Variants in GNPTAB observed in about 807,000 individuals in gnomAD.
GNPTAB encodes the protein N-acetylglucosamine-1-phosphate transferase subunits alpha and beta.
Under a neutral mutation model 136.6 loss-of-function variants are expected in GNPTAB, and 92 were observed. The observed-to-expected ratio is 0.67, with a 90% CI of 0.57 to 0.80. GNPTAB has a LOEUF of 0.80. Ranked by LOEUF, GNPTAB falls within the 30% of genes least tolerant of loss-of-function variation. GNPTAB has a pLI of 0.00. For missense variants in GNPTAB, 1,343 were observed against 1,501.8 expected, an observed-to-expected ratio of 0.89 and a Z score of 1.75; for synonymous variants, 512 against 535.1, an observed-to-expected ratio of 0.96 and a Z score of 0.60.
chr12:101,828,604 C>T (rs1871223168), intron 1 of GNPTAB, among the ~76,000 whole-genome samples: 1 of 151,820 alleles, frequency 6.6e-6, no homozygotes, highest in Admixed American at 6.6e-5. Context: ...ACATGAGAAT[C>T]ACGTGAACCC....
rs1555273088 is a variant in GNPTAB at position 101,796,736 on chromosome 12, T to C, written c.144A>G (p.Gln48=). ...TATAGGAATCAAACAAAACATGGTA[T>C]TGATCTCGGCTCCATTCCAGAACCA... is the stretch of plus-strand genomic sequence containing the variant. ...GEVVLEWSRD[Q]YHVLFDSYRD... The change falls in exon 2 of 21, where the codon CAA becomes CAG. Residue 48 remains glutamine, a synonymous_variant. Coordinates refer to ENST00000299314, the MANE Select transcript of GNPTAB (RefSeq NM_024312.5). The C allele has an allele frequency of 6.2e-7, 1 of 1,613,150 alleles. No individual in the cohort carries two copies. Among genetic ancestry groups the C allele is most frequent in the Non-Finnish European group, 8.5e-7 (1 of 1,179,320 alleles).
chr12:101,813,269 A>G (rs541526048), intron 1 of GNPTAB, among the ~76,000 whole-genome samples: 9 of 152,374 alleles, frequency 5.9e-5, no homozygotes, highest in African/African-American at 1.9e-4. Flanking sequence ...CCATTATTAA[A>G]TTACAGCCCA....
chr12:101,757,709 C>T (rs1952924880), intron 16 of GNPTAB, 52 bp from the exon 17 acceptor site: 1 of 864,774 alleles, frequency 1.2e-6, no homozygotes, highest in Non-Finnish European at 2.0e-6. Flanking sequence ...GAAACTAGGG[C>T]AATTTAGTCC....
chr12:101,751,632 C>T (rs1185731202), intron 19 of GNPTAB, among the ~76,000 whole-genome samples: 1 of 152,212 alleles, frequency 6.6e-6, no homozygotes, highest in African/African-American at 2.4e-5. Flanking sequence ...AGCCACTTGC[C>T]AGCTACTTCA....
chr12:101,749,855 G>A lies in GNPTAB; in HGVS notation c.3603-664C>T, dbSNP rs575935146. Among the ~76,000 whole-genome samples the A allele has an allele frequency of 1.2e-3, 179 of 152,360 alleles. 1 individual carries two copies. Among genetic ancestry groups the A allele is most frequent in the Non-Finnish European group, 2.2e-3 (151 of 68,034 alleles). On this transcript the variant is annotated intron_variant, in intron 19 of 20. Coordinates refer to ENST00000299314, the MANE Select transcript of GNPTAB (RefSeq NM_024312.5). ...GGGGGGAACTAAGCCAGGTGAAGGC[G>A]AGAGGGTATGAACTGCAGCTGCTTT...
chr12:101,824,921 C>T (rs1871010546), intron 1 of GNPTAB, among the ~76,000 whole-genome samples: 1 of 152,184 alleles, frequency 6.6e-6, no homozygotes, highest in African/African-American at 2.4e-5. Flanking sequence ...ACTTCTCTGA[C>T]ATTACCAACT....
At chr12:101,763,137 T>C (rs1472308668) in intron 13 of GNPTAB, among the ~76,000 whole-genome samples, 1 of 149,066 alleles carries the variant, frequency 6.7e-6, no homozygotes. Context: ...CAGGAGAATC[T>C]CTTGAACCTG....
At chr12:101,805,207 A>G (rs1288230815) in intron 1 of GNPTAB, among the ~76,000 whole-genome samples, 18 of 152,218 alleles carry the variant, frequency 1.2e-4, no homozygotes, top group Admixed American at 1.2e-3. Flanking sequence ...AATTGTCATA[A>G]AAAAGTTTAC....
intron 5 of GNPTAB, among the ~76,000 whole-genome samples, chr12:101,782,185 G>A (rs1177771463): frequency 6.6e-6 from 1 of 152,072 alleles, no homozygotes; most frequent in Non-Finnish European, 1.5e-5. Flanking sequence ...ACTATTTGGA[G>A]CAATGAGTCA....
chr12:101,821,169 T>C (rs1360277119), intron 1 of GNPTAB, among the ~76,000 whole-genome samples: 1 of 152,132 alleles, frequency 6.6e-6, no homozygotes, highest in Non-Finnish European at 1.5e-5. Flanking sequence ...TTACAGCATT[T>C]CTCACAATAG....
Position 101,757,267 on chromosome 12 carries a change from G to A in GNPTAB, c.3379C>T (p.Arg1127Cys), listed in dbSNP as rs770952898. The A allele has an allele frequency of 6.2e-6, 10 of 1,609,578 alleles. No homozygotes were observed. Among genetic ancestry groups the A allele is most frequent in the Admixed American group, 1.7e-5 (1 of 59,990 alleles). ...CCAACCACATGAGAAACGTTGGTAC[G>A]AATCATTTTAAAAGCGATTTCTTCT... ...GEEEIAFKMIRTNVSHVVGQL... is the reference protein window; with the variant it reads ...GEEEIAFKMICTNVSHVVGQL... The change falls in exon 18 of 21, where the codon CGT becomes TGT. Residue 1127 changes from arginine to cysteine, a missense_variant. Coordinates refer to ENST00000299314, the MANE Select transcript of GNPTAB (RefSeq NM_024312.5).
At chr12:101,815,115 G>T (rs557525231) in intron 1 of GNPTAB, among the ~76,000 whole-genome samples, 36 of 152,292 alleles carry the variant, frequency 2.4e-4, no homozygotes, top group African/African-American at 8.7e-4. Flanking sequence ...TGACCAGGCT[G>T]GAATGCAGTG....
intron 1 of GNPTAB, among the ~76,000 whole-genome samples, chr12:101,813,246 G>A (rs890948977): frequency 2.0e-5 from 3 of 152,158 alleles, no homozygotes; most frequent in Admixed American, 6.6e-5. Flanking sequence ...AAAACCACTT[G>A]AAAACGTAAA....
At chr12:101,790,627 T>A (rs370894180) in intron 2 of GNPTAB, among the ~76,000 whole-genome samples, 60 of 151,654 alleles carry the variant, frequency 4.0e-4, no homozygotes, top group African/African-American at 1.4e-3. Flanking sequence ...ATTAGCTGGG[T>A]ATGGTGGTGT....
chr12:101,821,620 A>C lies in GNPTAB; in HGVS notation c.117+8939T>G, dbSNP rs942477478. ...GAGGTGGCGATCAGAGGAGGTTTTCAGAGGTAGCTGGCATTCTGTGACGCC... is the reference window on the plus strand; with the variant it reads ...GAGGTGGCGATCAGAGGAGGTTTTCCGAGGTAGCTGGCATTCTGTGACGCC... On this transcript the variant is annotated intron_variant, in intron 1 of 20. Transcript: ENST00000299314. Among the ~76,000 whole-genome samples the C allele has an allele frequency of 7.2e-5, 11 of 152,274 alleles. 1 individual carries two copies. The Middle Eastern group carries it at 0.017, about 235-fold the overall frequency.
intron 3 of GNPTAB, 58 bp downstream of exon 3, chr12:101,789,880 C>A (rs1273851282): frequency 5.5e-5 from 83 of 1,506,094 alleles, no homozygotes; most frequent in Non-Finnish European, 7.4e-5. Flanking sequence ...GTGCCACCCT[C>A]AGACCTTATT....
chr12:101,790,767 C>T (rs899455108), intron 2 of GNPTAB, among the ~76,000 whole-genome samples: 1 of 149,118 alleles, frequency 6.7e-6, no homozygotes, highest in Non-Finnish European at 1.5e-5. Context: ...GAACAAATTA[C>T]AAAAAAAGTT....
chr12:101,761,104 T>C, intron 15 of GNPTAB, 23 bp downstream of exon 15: 1 of 1,552,396 alleles, frequency 6.4e-7, no homozygotes, highest in Non-Finnish European at 8.9e-7. Context: ...CATCAAAAAG[T>C]TTAGAATAAG....
At chr12:101,829,332 A>G (rs1871254022) in intron 1 of GNPTAB, among the ~76,000 whole-genome samples, 1 of 152,074 alleles carries the variant, frequency 6.6e-6, no homozygotes, top group Non-Finnish European at 1.5e-5. Flanking sequence ...TAAAAATACA[A>G]AAATTAGCTG....
Sources: gnomAD v4.1 joint callset for allele counts (sites outside exome capture counted in the v4.1 genomes callset) on GRCh38, gnomAD v4.1.1 for gene constraint, MANE v1.5 for transcripts, NCBI Gene and HGNC (gene_info 2026-07-23, HGNC 2026-07-21) for gene names.